The following TNFRSF19 variants were observed in gnomAD, a reference collection of about 807,000 sequenced individuals.
The protein encoded by TNFRSF19 is tumor necrosis factor receptor superfamily member 19.
Under a neutral mutation model 46.4 loss-of-function variants are expected in TNFRSF19, and 27 were observed. The observed-to-expected ratio is 0.58, with a 90% confidence interval of 0.43 to 0.80. The LOEUF (loss-of-function observed/expected upper bound fraction) is 0.80, where lower values mean the gene tolerates loss of function less well. Ranked by LOEUF, TNFRSF19 falls within the 30% of genes least tolerant of loss-of-function variation. TNFRSF19 has a pLI of 0.00. For missense variants in TNFRSF19, 511 were observed against 530.8 expected, an observed-to-expected ratio of 0.96 and a Z score of 0.37; for synonymous variants, 204 against 205.0, an observed-to-expected ratio of 1.00 and a Z score of 0.04.
intron 2 of TNFRSF19, among the ~76,000 whole-genome samples, chr13:23,592,653 A>G (rs1455688762): frequency 6.6e-6 from 1 of 152,158 alleles, no homozygotes; most frequent in African/African-American, 2.4e-5. Flanking sequence ...GAGTTCCGAG[A>G]GTTGGGCCAC....
At chr13:23,665,808 G>A (rs1046537655) in intron 7 of TNFRSF19, among the ~76,000 whole-genome samples, 2 of 152,150 alleles carry the variant, frequency 1.3e-5, no homozygotes, top group African/African-American at 4.8e-5. Flanking sequence ...TCTACAGAGC[G>A]TATTCGTGTT....
intron 5 of TNFRSF19, among the ~76,000 whole-genome samples, chr13:23,631,537 C>A (rs1882361028): frequency 6.6e-6 from 1 of 152,202 alleles, no homozygotes. Flanking sequence ...ATGCCTTATT[C>A]ATGCACTAAC....
intron 9 of TNFRSF19, chr13:23,669,553 C>T: frequency 1.0e-6 from 1 of 985,388 alleles, no homozygotes; most frequent in African/African-American, 1.7e-5. Context: ...TCCCTCCTCT[C>T]TCCTTGGCTG....
chr13:23,595,641 C>T (rs1879666554), intron 3 of TNFRSF19, among the ~76,000 whole-genome samples: 1 of 152,120 alleles, frequency 6.6e-6, no homozygotes, highest in South Asian at 2.1e-4. Flanking sequence ...TTATTGGTGT[C>T]CCTGAAAGTG....
At chr13:23,638,919 T>C (rs1354667691) in intron 5 of TNFRSF19, among the ~76,000 whole-genome samples, 1 of 152,228 alleles carries the variant, frequency 6.6e-6, no homozygotes, top group East Asian at 1.9e-4. Flanking sequence ...GTGTAATTAA[T>C]ACACATGCAC....
At chr13:23,658,454 C>T (rs763865822) in intron 5 of TNFRSF19, among the ~76,000 whole-genome samples, 17 of 152,104 alleles carry the variant, frequency 1.1e-4, no homozygotes, top group Non-Finnish European at 1.8e-4. Flanking sequence ...ATGACTATGC[C>T]GGCCTTTCCA....
chr13:23,655,632 T>C lies in TNFRSF19; in HGVS notation c.446-3418T>C, dbSNP rs1883929126. On this transcript the variant is annotated intron_variant, in intron 5 of 9. Coordinates refer to ENST00000248484, the MANE Select transcript of TNFRSF19 (RefSeq NM_148957.4). ...TGCCACAGGTTAGCAAAACAATACC[T>C]TTTCCTTTAGCGTAGATAAGTTCTT... Among the ~76,000 whole-genome samples, 3 of 152,286 alleles carry C rather than the reference T, an allele frequency of 2.0e-5. No individual in the cohort carries two copies. In the South Asian group the frequency reaches 6.2e-4, roughly 32 times the overall value.
chr13:23,609,200 T>C (rs1486414680), intron 3 of TNFRSF19, among the ~76,000 whole-genome samples: 1 of 152,220 alleles, frequency 6.6e-6, no homozygotes, highest in Non-Finnish European at 1.5e-5. Flanking sequence ...TCTCCTCCAC[T>C]ACAGGATTTC....
At chr13:23,670,754 G>A (rs1021203157) in intron 9 of TNFRSF19, among the ~76,000 whole-genome samples, 1 of 152,170 alleles carries the variant, frequency 6.6e-6, no homozygotes, top group African/African-American at 2.4e-5. Context: ...CTAGAAACAG[G>A]CGGAACCCCC....
chr13:23,580,988 T>C (rs1242318835), intron 1 of TNFRSF19, among the ~76,000 whole-genome samples: 1 of 152,212 alleles, frequency 6.6e-6, no homozygotes. Flanking sequence ...TTCAGAGCAA[T>C]CATAAAAGTT....
At chr13:23,591,115 TAAAG>T (rs749683034) in intron 2 of TNFRSF19, among the ~76,000 whole-genome samples, 11 of 152,176 alleles carry the variant, frequency 7.2e-5, no homozygotes, top group African/African-American at 1.7e-4. Context: ...TACAGATATA[TAAAG>T]AAAGATTTAC....
chr13:23,669,773 C>A, intron 9 of TNFRSF19: 1 of 929,292 alleles, frequency 1.1e-6, no homozygotes, highest in Non-Finnish European at 1.3e-6. Flanking sequence ...GATAACTGGG[C>A]ACGTCTCTGC....
In TNFRSF19 at chr13:23,675,926, AG is replaced by A. The variant is rs1347978724; in HGVS notation, c.*2547del. On this transcript the variant is annotated 3_prime_UTR_variant, in exon 10 of 10. Coordinates refer to ENST00000248484, the MANE Select transcript of TNFRSF19 (RefSeq NM_148957.4). ...TAGGTTAAGCACTATTGTCTGTGCT[AG>A]TAAGAAAAAGAAAGGAAAACCATCA... 1 of 152,222 alleles carries A rather than the reference AG, an allele frequency of 6.6e-6. No homozygotes were observed. The highest frequency in any genetic ancestry group is 1.5e-5 in the Non-Finnish European group (1 of 68,040). 9.4% of individuals were successfully genotyped at this position (152,222 alleles called of 1,614,324 possible). A position where few individuals can be genotyped will look rare whatever the true frequency, so the allele number is the denominator to read the frequency against.
At chr13:23,597,756 C>G (rs1879843708) in intron 3 of TNFRSF19, among the ~76,000 whole-genome samples, 1 of 152,186 alleles carries the variant, frequency 6.6e-6, no homozygotes, top group African/African-American at 2.4e-5. Flanking sequence ...ATGAGGTCAG[C>G]ATCATCCTGA....
At chr13:23,611,126 G>GCA (rs34837771) in intron 3 of TNFRSF19, among the ~76,000 whole-genome samples, 58,037 of 147,544 alleles carry the variant, frequency 0.39, 11,288 homozygotes, top group African/African-American at 0.44. Context: ...ACACACATGT[G>GCA]CACACACACA....
At chr13:23,597,365 G>T (rs182690771) in intron 3 of TNFRSF19, among the ~76,000 whole-genome samples, 1 of 151,636 alleles carries the variant, frequency 6.6e-6, no homozygotes, top group East Asian at 1.9e-4. Flanking sequence ...TAATAAAGAT[G>T]AAAAGAGAAA....
intron 5 of TNFRSF19, among the ~76,000 whole-genome samples, chr13:23,651,893 TAAAAA>T (rs34023907): frequency 6.0e-4 from 6 of 9,966 alleles, no homozygotes; most frequent in Non-Finnish European, 1.1e-3. Flanking sequence ...CATAACATGC[TAAAAA>T]AAAAAAAAAA....
At chr13:23,593,120 A>ATG (rs990422228) in intron 2 of TNFRSF19, among the ~76,000 whole-genome samples, 5 of 152,190 alleles carry the variant, frequency 3.3e-5, no homozygotes, top group African/African-American at 1.2e-4. Flanking sequence ...TAGAGAATCA[A>ATG]TGAGTATTCT....
chr13:23,674,329 A>G lies in TNFRSF19; in HGVS notation c.*949A>G, dbSNP rs1356966408. 1 of 152,230 alleles carries G rather than the reference A, an allele frequency of 6.6e-6. No individual in the cohort carries two copies. The highest frequency in any genetic ancestry group is 1.5e-5 in the Non-Finnish European group (1 of 68,036). 9.4% of individuals were successfully genotyped at this position (152,230 alleles called of 1,614,324 possible). A position where few individuals can be genotyped will look rare whatever the true frequency, so the allele number is the denominator to read the frequency against. ...AAATTACAACATATCAGGTTCCCCT[A>G]CTACTGAAGTAGCCTTCCGTGAGAA... On this transcript the variant is annotated 3_prime_UTR_variant, in exon 10 of 10. Transcript: ENST00000248484.
Sources: gnomAD v4.1 joint callset for allele counts (sites outside exome capture counted in the v4.1 genomes callset) on GRCh38, gnomAD v4.1.1 for gene constraint, MANE v1.5 for transcripts, NCBI Gene and HGNC (gene_info 2026-07-23, HGNC 2026-07-21) for gene names.